STMN2: variants seen among roughly 807,000 people sequenced by gnomAD.
The protein encoded by STMN2 is stathmin 2.
STMN2 carries 2 observed loss-of-function variants against 24.1 expected under a neutral mutation model. The observed-to-expected ratio is 0.08, with a 90% CI of 0.03 to 0.26. The LOEUF (loss-of-function observed/expected upper bound fraction) is 0.26, where lower values mean the gene tolerates loss of function less well. STMN2 is among the 10% of genes least tolerant of loss of function. The pLI, the probability that STMN2 is intolerant of heterozygous loss-of-function variation, is 1.00. For synonymous variants in STMN2, 83 were observed against 77.5 expected (o/e 1.07, Z -0.37); for missense variants, 114 against 213.6 (o/e 0.53, Z 2.91).
intron 1 of STMN2, chr8:79,613,380 C>A: frequency 1.0e-6 from 1 of 985,420 alleles, no homozygotes; most frequent in South Asian, 4.7e-5. Context: ...CTGCGCTCCC[C>A]TCCCCGGAGT....
chr8:79,657,474 C>T lies in STMN2; in HGVS notation c.480+2412C>T, dbSNP rs922672330. Among the ~76,000 whole-genome samples, 7 of 152,202 alleles carry T rather than the reference C, an allele frequency of 4.6e-5. No homozygotes were observed. In the South Asian group the frequency reaches 1.0e-3, roughly 23 times the overall value. On this transcript the variant is annotated intron_variant, in intron 4 of 4. Transcript: ENST00000220876. ...CCCACAGAATCTCCAAGGATGGGAC[C>T]CAGCATCCATACATTTTAAAAACTC...
chr8:79,643,689 A>C (rs1810159366), intron 3 of STMN2, among the ~76,000 whole-genome samples: 1 of 152,178 alleles, frequency 6.6e-6, no homozygotes, highest in South Asian at 2.1e-4. Flanking sequence ...GTTACTAATT[A>C]ATGAAACTGA....
At chr8:79,638,861 T>A (rs1040669522) in intron 2 of STMN2, among the ~76,000 whole-genome samples, 3 of 152,180 alleles carry the variant, frequency 2.0e-5, no homozygotes, top group African/African-American at 7.2e-5. Flanking sequence ...CATCACCTTA[T>A]CAAATAAGCT....
At chr8:79,651,103 G>A (rs1043343682) in intron 3 of STMN2, among the ~76,000 whole-genome samples, 4 of 152,130 alleles carry the variant, frequency 2.6e-5, no homozygotes, top group Non-Finnish European at 5.9e-5. Context: ...CAATTATTAA[G>A]TCCTGCAAAT....
At chr8:79,619,009 T>C (rs1426831238) in intron 1 of STMN2, among the ~76,000 whole-genome samples, 1 of 152,102 alleles carries the variant, frequency 6.6e-6, no homozygotes, top group Non-Finnish European at 1.5e-5. Flanking sequence ...ACAGTTCTCA[T>C]AGAGCACATT....
At chr8:79,641,778 T>C (rs1400047384) in intron 3 of STMN2, among the ~76,000 whole-genome samples, 1 of 151,994 alleles carries the variant, frequency 6.6e-6, no homozygotes, top group Non-Finnish European at 1.5e-5. Context: ...TAGATGCTAA[T>C]TTTAGGCTAG....
intron 2 of STMN2, among the ~76,000 whole-genome samples, chr8:79,639,486 C>T (rs139793424): frequency 1.3e-3 from 194 of 152,258 alleles, no homozygotes; most frequent in African/African-American, 4.5e-3. Context: ...CAGCGAGGTT[C>T]TTTTAAAAAT....
chr8:79,664,796 T>C lies in STMN2; in HGVS notation c.481-19T>C, dbSNP rs749274723. The stretch of plus-strand genomic sequence containing the variant: ...CAAAAAGGGCCTGTGACATTTCTTC[T>C]TCCTTTTGTGTTTTTTAGGAGAGGC... On this transcript the variant is annotated intron_variant, in intron 4 of 4. Coordinates refer to ENST00000220876, the MANE Select transcript of STMN2 (RefSeq NM_007029.4). 1.9e-6 allele frequency: 3 copies of C among 1,611,328 alleles called. No individual in the cohort carries two copies. The South Asian group carries it at 3.3e-5, about 18-fold the overall frequency.
intron 1 of STMN2, among the ~76,000 whole-genome samples, chr8:79,624,453 C>CAAAAAAAAAAAAAAAAA (rs1011493193): frequency 2.4e-4 from 11 of 45,122 alleles, no homozygotes; most frequent in Non-Finnish European, 3.7e-4. Context: ...GACTCCGTCT[C>CAAAAAAAAAAAAAAAAA]AAAAAAAAAA....
At position 79,664,906 on chromosome 8, in the gene STMN2, A is replaced by G; in HGVS notation, c.*32A>G. 6.2e-7 allele frequency: 1 copy of G among 1,606,052 alleles called. No homozygotes were observed. ...GGAGGGTCTGGCACGCCCCACCAATAGTAAATCCCCCTGCCTATATTATAA... is the reference window on the plus strand; with the variant it reads ...GGAGGGTCTGGCACGCCCCACCAATGGTAAATCCCCCTGCCTATATTATAA... On this transcript the variant is annotated 3_prime_UTR_variant, in exon 5 of 5. Coordinates refer to ENST00000220876, the MANE Select transcript of STMN2 (RefSeq NM_007029.4).
At chr8:79,622,377 C>G (rs1809536505) in intron 1 of STMN2, among the ~76,000 whole-genome samples, 1 of 152,132 alleles carries the variant, frequency 6.6e-6, no homozygotes, top group Non-Finnish European at 1.5e-5. Flanking sequence ...GTGAACATCT[C>G]AATTCTTATA....
chr8:79,664,662 A>G (rs1156751228), intron 4 of STMN2, among the ~76,000 whole-genome samples, 153 bp from the exon 5 acceptor site: 1 of 149,586 alleles, frequency 6.7e-6, no homozygotes, highest in African/African-American at 2.4e-5. Context: ...CTTTTCTAAC[A>G]TGACATTTTG....
intron 4 of STMN2, among the ~76,000 whole-genome samples, chr8:79,657,164 G>A (rs949009350): frequency 2.0e-5 from 3 of 152,174 alleles, no homozygotes; most frequent in Non-Finnish European, 2.9e-5. Flanking sequence ...GTGAGCCACC[G>A]TGCCCAGCCA....
chr8:79,639,121 C>T (rs935071617), intron 2 of STMN2, among the ~76,000 whole-genome samples: 10 of 152,172 alleles, frequency 6.6e-5, no homozygotes, highest in Admixed American at 6.5e-4. Context: ...TGACCACAAC[C>T]TCCATGTGCA....
intron 1 of STMN2, among the ~76,000 whole-genome samples, chr8:79,632,633 T>G (rs1563438454): frequency 6.6e-6 from 1 of 152,206 alleles, no homozygotes; most frequent in Non-Finnish European, 1.5e-5. Flanking sequence ...TCAGGGATTA[T>G]GACACATTTT....
Position 79,616,861 on chromosome 8 carries a change from G to A in STMN2, c.19+5647G>A, listed in dbSNP as rs187783264. On this transcript the variant is annotated intron_variant, in intron 1 of 4. Coordinates refer to ENST00000220876, the MANE Select transcript of STMN2 (RefSeq NM_007029.4). ...CCTTCGAGAGAAAGGTAGAAAATAA[G>A]AATTTGGCTCTCTGTGTGAGCATGT... Among the ~76,000 whole-genome samples, 632 of 152,268 alleles carry A rather than the reference G, an allele frequency of 4.2e-3. 2 individuals are homozygous for A. Among genetic ancestry groups the A allele is most frequent in the Middle Eastern group, 0.037 (11 of 294 alleles).
At chr8:79,632,138 C>T (rs1299569612) in intron 1 of STMN2, among the ~76,000 whole-genome samples, 1 of 152,190 alleles carries the variant, frequency 6.6e-6, no homozygotes, top group Non-Finnish European at 1.5e-5. Flanking sequence ...TAGTGCCCCA[C>T]TCTACCCAGT....
chr8:79,663,631 C>T, intron 4 of STMN2: 1 of 1,531,308 alleles, frequency 6.5e-7, no homozygotes, highest in East Asian at 2.5e-5. Context: ...GTCTCAATTT[C>T]TGGAGCTTCA....
chr8:79,654,808 G>A, intron 3 of STMN2, 63 bp from the exon 4 acceptor site: 1 of 1,538,314 alleles, frequency 6.5e-7, no homozygotes, highest in Non-Finnish European at 8.8e-7. Context: ...CCAATTGGTG[G>A]GCCGTTATTC....
Sources: gnomAD v4.1 joint callset for allele counts (sites outside exome capture counted in the v4.1 genomes callset) on GRCh38, gnomAD v4.1.1 for gene constraint, MANE v1.5 for transcripts, NCBI Gene and HGNC (gene_info 2026-07-23, HGNC 2026-07-21) for gene names.